OR6J1: variants seen among roughly 807,000 people sequenced by gnomAD.
OR6J1 encodes the protein olfactory receptor 6J1.
For synonymous variants in OR6J1, 109 were observed against 70.0 expected, an observed-to-expected ratio of 1.56 and a Z score of -2.78; for missense variants, 304 against 166.8, an observed-to-expected ratio of 1.82 and a Z score of -4.53.
At chr14:22,640,248 A>T (rs1318037306) in intron 1 of OR6J1, among the ~76,000 whole-genome samples, 1 of 101,338 alleles carries the variant, frequency 9.9e-6, no homozygotes, top group Non-Finnish European at 1.9e-5. Flanking sequence ...GATGGAAGGA[A>T]GGAAGGAAGC....
Position 22,633,423 on chromosome 14 carries a change from G to T in OR6J1, c.*345C>A. The T allele has an allele frequency of 8.9e-6, 2 of 225,806 alleles. 1 individual carries two copies. Among genetic ancestry groups the T allele is most frequent in the South Asian group, 2.2e-4 (2 of 9,100 alleles). The allele number at this position is 225,806 out of a possible 1,614,324, so 14.0% of individuals were successfully genotyped here. A position where few individuals can be genotyped will look rare whatever the true frequency, so the allele number is the denominator to read the frequency against. ...AAAGAAAGAGGGTCCGTGCAGAGAA[G>T]TTCAGGAAGGACTTCGTGTCAAGCC... On this transcript the variant is annotated 3_prime_UTR_variant, in exon 2 of 2. Transcript: ENST00000540461.
At position 22,631,835 on chromosome 14, in the gene OR6J1, C is replaced by A; in HGVS notation, c.*1933G>T. ...ACTAGTTAGCTCACCTCCAGCTTCC[C>A]CATGCCAAAATCCTCCAGTCAGGGA... On this transcript the variant is annotated 3_prime_UTR_variant, in exon 2 of 2. Transcript: ENST00000540461. 1 of 153,606 alleles carries A rather than the reference C, an allele frequency of 6.5e-6. No homozygotes were observed. The highest frequency in any genetic ancestry group is 1.9e-4 in the South Asian group (1 of 5,340). The allele number at this position is 153,606 out of a possible 1,614,324, so 9.5% of individuals were successfully genotyped here.
At chr14:22,642,577 A>G (rs892101229) in intron 1 of OR6J1, among the ~76,000 whole-genome samples, 4 of 151,576 alleles carry the variant, frequency 2.6e-5, no homozygotes, top group Admixed American at 1.3e-4. Flanking sequence ...TGACCTCATG[A>G]TCTTCCCGCC....
chr14:22,641,526 A>G (rs1482533547), intron 1 of OR6J1, among the ~76,000 whole-genome samples: 1 of 97,858 alleles, frequency 1.0e-5, no homozygotes, highest in East Asian at 3.9e-4. Context: ...GAGGGAAGAA[A>G]GAAGGAAAGA....
chr14:22,642,312 A>AATATATATATATATATATATAT (rs71421135), intron 1 of OR6J1, among the ~76,000 whole-genome samples: 102 of 109,174 alleles, frequency 9.3e-4, no homozygotes, highest in African/African-American at 1.2e-3. Context: ...TCAACTTAAG[A>AATATATATATATATATATATAT]ATATATATAT....
At chr14:22,635,558 G>A (rs1169787087) in intron 1 of OR6J1, among the ~76,000 whole-genome samples, 1 of 152,182 alleles carries the variant, frequency 6.6e-6, no homozygotes, top group East Asian at 1.9e-4. Flanking sequence ...GTCAGGGAAG[G>A]AGCTTGCATT....
rs1387612876 is a variant in OR6J1 at position 22,634,248 on chromosome 14, A to G, written c.564T>C (p.Cys188=). ...CDSGPLLALA[C]ADTTAIELMD... ...TCAGCTCGATGGCAGTGGTGTCTGC[A>G]CAGGCCAGGGCCAGCAAGGGTCCAC... is the stretch of plus-strand genomic sequence containing the variant. Residue 188 remains cysteine (C), a synonymous_variant, in exon 2 of 2, where the codon TGT becomes TGC. Coordinates refer to ENST00000540461, the MANE Select transcript of OR6J1 (RefSeq NM_001348233.2). 2 of 703,262 alleles carry G rather than the reference A, an allele frequency of 2.8e-6. No individual in the cohort carries two copies. Among genetic ancestry groups the G allele is most frequent in the African/African-American group, 3.5e-5 (2 of 57,278 alleles). 43.6% of individuals were successfully genotyped at this position (703,262 alleles called of 1,614,324 possible). A position where few individuals can be genotyped will look rare whatever the true frequency, so the allele number is the denominator to read the frequency against.
intron 1 of OR6J1, among the ~76,000 whole-genome samples, chr14:22,642,744 C>G (rs1380201505): frequency 1.3e-5 from 2 of 152,068 alleles, no homozygotes; most frequent in Non-Finnish European, 2.9e-5. Flanking sequence ...ATGAATCATA[C>G]CATATGTGGT....
At chr14:22,643,764 C>CACACACACACAGAGAG (rs1466950724) in intron 1 of OR6J1, among the ~76,000 whole-genome samples, 7 of 37,696 alleles carry the variant, frequency 1.9e-4, no homozygotes, top group East Asian at 1.4e-3. Context: ...CACACACACA[C>CACACACACACAGAGAG]AGAGAGAGAG....
chr14:22,643,764 C>CACACAGAGAGAGAGAG lies in OR6J1; in HGVS notation c.-28+333_-28+334insCTCTCTCTCTCTGTGT, dbSNP rs1466950724. On this transcript the variant is annotated intron_variant, in intron 1 of 1. Coordinates refer to ENST00000540461, the MANE Select transcript of OR6J1 (RefSeq NM_001348233.2). Reference sequence around the variant, plus strand: ...ACACACACACACACACACACACACACAGAGAGAGAGAGAGAGAGAGAGAGA... The same window carrying CACACAGAGAGAGAGAG: ...ACACACACACACACACACACACACACACACAGAGAGAGAGAGAGAGAGAGAGAGAGAGAGAGAGAGA... 5.7e-3 allele frequency among the ~76,000 whole-genome samples: 213 copies of CACACAGAGAGAGAGAG among 37,698 alleles called. 4 individuals carry two copies. Among genetic ancestry groups the CACACAGAGAGAGAGAG allele is most frequent in the Middle Eastern group, 0.024 (1 of 42 alleles). 24.7% of individuals were successfully genotyped at this position (37,698 alleles called of 152,430 possible).
rs1459973699 is a variant in OR6J1, at chr14:22,638,667, A to T, written c.-27-3829T>A. On this transcript the variant is annotated intron_variant, in intron 1 of 1. Transcript: ENST00000540461. ...TGATCAATAAAAAAAATAAAAATAA[A>T]AAAAAAATAAAAAAAATTAAGACAC... Among the ~76,000 whole-genome samples, 22 of 114,604 alleles carry T rather than the reference A, an allele frequency of 1.9e-4. 5 individuals carry two copies. Among genetic ancestry groups the T allele is most frequent in the African/African-American group, 6.3e-4 (20 of 31,766 alleles). The allele number at this position is 114,604 out of a possible 152,430, so 75.2% of individuals were successfully genotyped here. A position where few individuals can be genotyped will look rare whatever the true frequency, so the allele number is the denominator to read the frequency against.
At chr14:22,636,962 A>T (rs1406769114) in intron 1 of OR6J1, among the ~76,000 whole-genome samples, 2 of 122,804 alleles carry the variant, frequency 1.6e-5, no homozygotes, top group Non-Finnish European at 3.3e-5. Flanking sequence ...CCCATCTAGG[A>T]AGCGAGGAGC....
chr14:22,636,684 G>A (rs1284356624), intron 1 of OR6J1, among the ~76,000 whole-genome samples: 2 of 116,930 alleles, frequency 1.7e-5, no homozygotes, highest in South Asian at 2.5e-4. Flanking sequence ...CCGGGGTGCC[G>A]GGATTGCGGA....
chr14:22,631,794 C>G lies in OR6J1; in HGVS notation c.*1974G>C, dbSNP rs916227733. On this transcript the variant is annotated 3_prime_UTR_variant, in exon 2 of 2. Transcript: ENST00000540461. ...TCAGCCGGTCCCTCCGTTTGGGGTG[C>G]CTGACTTCCCGCAACACTAGTTAGC... 1.3e-5 allele frequency: 2 copies of G among 153,860 alleles called. No individual in the cohort carries two copies. Among genetic ancestry groups the G allele is most frequent in the African/African-American group, 4.8e-5 (2 of 41,484 alleles). The allele number at this position is 153,860 out of a possible 1,614,324, so 9.5% of individuals were successfully genotyped here. A position where few individuals can be genotyped will look rare whatever the true frequency, so the allele number is the denominator to read the frequency against.
At chr14:22,639,304 C>T (rs2037623791) in intron 1 of OR6J1, among the ~76,000 whole-genome samples, 1 of 129,946 alleles carries the variant, frequency 7.7e-6, no homozygotes, top group Admixed American at 7.1e-5. Flanking sequence ...CCGGCCGCCC[C>T]TACTGGGAAG....
intron 1 of OR6J1, among the ~76,000 whole-genome samples, chr14:22,637,590 G>C (rs2037601091): frequency 1.7e-5 from 1 of 57,302 alleles, no homozygotes; most frequent in African/African-American, 1.1e-4. Context: ...GAGGTGGGGG[G>C]GTCAGCCCCC....
chr14:22,634,479 G>A lies in OR6J1; in HGVS notation c.333C>T (p.Phe111=), dbSNP rs1431955720. ...CATAGGACATGACCGTCAGCAGGAG[G>A]AACTCAACTGTGCCCAAGAAAAAGT... ...YFYFFLGTVE[F]LLLTVMSYDR... is the part of the protein sequence containing the mutation. Residue 111 remains phenylalanine, a synonymous_variant, in exon 2 of 2, where the codon TTC becomes TTT. Coordinates refer to ENST00000540461, the MANE Select transcript of OR6J1 (RefSeq NM_001348233.2). 1.4e-6 allele frequency: 1 copy of A among 703,194 alleles called. No homozygotes were observed. Among genetic ancestry groups the A allele is most frequent in the African/African-American group, 1.7e-5 (1 of 57,242 alleles). The allele number at this position is 703,194 out of a possible 1,614,324, so 43.6% of individuals were successfully genotyped here.
chr14:22,634,166 A>T lies in OR6J1; in HGVS notation c.646T>A (p.Ser216Thr). ...ILCCIVLVAY[S>T]YTYIILTIVR... Reference sequence around the variant, plus strand: ...ATGGTCAAGATGATGTACGTATAGGAATAGGCCACGAGGACTATGCAGCAG... The same window carrying T: ...ATGGTCAAGATGATGTACGTATAGGTATAGGCCACGAGGACTATGCAGCAG... Residue 216 changes from serine to threonine, a missense_variant, in exon 2 of 2, where the codon TCC becomes ACC. Physicochemically the swap from Ser to Thr is moderately conservative, Grantham distance 58. Transcript: ENST00000540461. The T allele has an allele frequency of 5.7e-6, 4 of 703,502 alleles. No individual in the cohort carries two copies. Among genetic ancestry groups the T allele is most frequent in the Non-Finnish European group, 1.0e-5 (4 of 384,972 alleles). The allele number at this position is 703,502 out of a possible 1,614,324, so 43.6% of individuals were successfully genotyped here. A position where few individuals can be genotyped will look rare whatever the true frequency, so the allele number is the denominator to read the frequency against.
In OR6J1 at chr14:22,633,984, C is replaced by T; in HGVS notation, c.828G>A (p.Leu276=). Residue 276 remains leucine, a synonymous_variant, in exon 2 of 2, where the codon CTG becomes CTA. Transcript: ENST00000540461. ...TGAGGAATGGAGTCACCACACTGCT[C>T]AGAACCAAAGGGATCTTGTTGATCT... The part of the protein sequence containing the change: ...YLEINKIPLV[L]SSVVTPFLNP... The T allele has an allele frequency of 1.4e-6, 1 of 702,876 alleles. No homozygotes were observed. Among genetic ancestry groups the T allele is most frequent in the Non-Finnish European group, 2.6e-6 (1 of 384,860 alleles). 43.5% of individuals were successfully genotyped at this position (702,876 alleles called of 1,614,324 possible). A position where few individuals can be genotyped will look rare whatever the true frequency, so the allele number is the denominator to read the frequency against.
Sources: gnomAD v4.1 joint callset for allele counts (sites outside exome capture counted in the v4.1 genomes callset) on GRCh38, gnomAD v4.1.1 for gene constraint, MANE v1.5 for transcripts, NCBI Gene and HGNC (gene_info 2026-07-23, HGNC 2026-07-21) for gene names.